The following TRRAP variants were observed in gnomAD, a reference collection of about 807,000 sequenced individuals.
The protein encoded by TRRAP is transformation/transcription domain associated protein.
TRRAP carries 41 observed loss-of-function variants against 438.8 expected under a neutral mutation model. That is an observed-to-expected ratio of 0.09 (90% CI 0.07 to 0.12). TRRAP has a LOEUF of 0.12. TRRAP is among the 10% of genes least tolerant of loss of function. The pLI is 1.00. For missense variants in TRRAP, 3,122 were observed against 5,055.1 expected (o/e 0.62, Z 11.60); for synonymous variants, 1,994 against 1,962.9 (o/e 1.02, Z -0.42).
intron 4 of TRRAP, among the ~76,000 whole-genome samples, chr7:98,892,183 G>A (rs1269421068): frequency 6.6e-6 from 1 of 152,166 alleles, no homozygotes; most frequent in Non-Finnish European, 1.5e-5. Context: ...GGAGAAATTG[G>A]CTTAGTCGAT....
chr7:98,906,034 C>T (rs1188502677), intron 12 of TRRAP, 143 bp from the exon 13 acceptor site: 14 of 598,200 alleles, frequency 2.3e-5, no homozygotes, highest in Non-Finnish European at 4.1e-5. Flanking sequence ...GCACTTGTGC[C>T]TTTCTGGTCT....
In TRRAP at chr7:98,957,563, G is replaced by A. The variant is rs568182456; in HGVS notation, c.6232-418G>A. ...CTGATGGCTCTTGGCCCCCAGCACCGTCTCAGTGCTCAGCCATGCGGGCCA... is the reference window on the plus strand; with the variant it reads ...CTGATGGCTCTTGGCCCCCAGCACCATCTCAGTGCTCAGCCATGCGGGCCA... On this transcript the variant is annotated intron_variant, in intron 43 of 72. Transcript: ENST00000456197. Among the ~76,000 whole-genome samples, 252 of 152,276 alleles carry A rather than the reference G, an allele frequency of 1.7e-3. 2 individuals carry two copies. Among genetic ancestry groups the A allele is most frequent in the African/African-American group, 5.6e-3 (232 of 41,562 alleles).
intron 51 of TRRAP, among the ~76,000 whole-genome samples, chr7:98,968,584 T>C (rs1477521204): frequency 6.6e-6 from 1 of 152,228 alleles, no homozygotes; most frequent in South Asian, 2.1e-4. Context: ...AGCTTGAGTT[T>C]GCTGTGGCAG....
chr7:98,890,988 G>T (rs1310486932), intron 4 of TRRAP, among the ~76,000 whole-genome samples: 1 of 150,244 alleles, frequency 6.7e-6, no homozygotes, highest in Non-Finnish European at 1.5e-5. Context: ...GAGAATGGGG[G>T]TCTTGCTGTG....
At chr7:98,943,483 A>G (rs564342318) in intron 31 of TRRAP, among the ~76,000 whole-genome samples, 48 of 152,262 alleles carry the variant, frequency 3.2e-4, no homozygotes, top group Admixed American at 1.4e-3. Flanking sequence ...CTTTGAGGGG[A>G]ATGTAAAAAG....
At position 98,948,160 on chromosome 7, in the gene TRRAP, T is replaced by C. The variant is rs1791172809; in HGVS notation, c.4549-61T>C. On this transcript the variant is annotated intron_variant, in intron 33 of 72. Coordinates refer to ENST00000456197, the MANE Select transcript of TRRAP (RefSeq NM_001375524.1). The surrounding 1 kb of genome is among the most constrained non-coding windows in gnomAD (Gnocchi z 4.9). ...GACTATAGTAGGGTCTGTAGTGACG[T>C]TGACCTCTGTCACTTGCAAAATTAA... 1 of 1,606,486 alleles carries C rather than the reference T, an allele frequency of 6.2e-7. No individual in the cohort carries two copies.
intron 58 of TRRAP, among the ~76,000 whole-genome samples, chr7:98,980,695 CCTG>C (rs1322418942): frequency 6.6e-6 from 1 of 152,212 alleles, no homozygotes; most frequent in African/African-American, 2.4e-5. Context: ...TTCATGTAAA[CCTG>C]AATTAACACC....
chr7:98,976,181 G>A lies in TRRAP; in HGVS notation c.7872G>A (p.Leu2624=). 6.2e-7 allele frequency: 1 copy of A among 1,614,112 alleles called. No homozygotes were observed. Among genetic ancestry groups the A allele is most frequent in the Non-Finnish European group, 8.5e-7 (1 of 1,179,984 alleles). ...TGALLSAFVQ[L]CHISTTLAEK... Reference sequence around the variant, plus strand: ...CGCTGCTCAGCGCTTTCGTTCAGCTGTGCCACATTTCCACGACGCTGGCAG... The same window carrying A: ...CGCTGCTCAGCGCTTTCGTTCAGCTATGCCACATTTCCACGACGCTGGCAG... The change falls in exon 54 of 73, where the codon CTG becomes CTA. Residue 2624 remains leucine (L), a synonymous_variant. Coordinates refer to ENST00000456197, the MANE Select transcript of TRRAP (RefSeq NM_001375524.1). This position sits in a 1 kb window ranked among gnomAD's most constrained non-coding sequence, Gnocchi z 4.6.
intron 67 of TRRAP, among the ~76,000 whole-genome samples, chr7:98,997,482 G>GAAAAA (rs1562977777): frequency 7.9e-4 from 31 of 39,316 alleles, no homozygotes; most frequent in African/African-American, 3.2e-3. Flanking sequence ...CACTGCTGTT[G>GAAAAA]CAAAAAAAAA....
chr7:98,879,910 G>A (rs1312416391), intron 1 of TRRAP, among the ~76,000 whole-genome samples: 12 of 152,178 alleles, frequency 7.9e-5, no homozygotes, highest in Admixed American at 3.3e-4. Context: ...GAAAGAAAAC[G>A]AAGCCATGAA....
rs782774161 is a variant in TRRAP at position 98,910,265 on chromosome 7, C to T, written c.1560C>T (p.Thr520=). The change falls in exon 15 of 73, where the codon ACC becomes ACT. Residue 520 remains threonine, a synonymous_variant. Coordinates refer to ENST00000456197, the MANE Select transcript of TRRAP (RefSeq NM_001375524.1). ...PPPPPPATPV[T]PAPVPPFEKQ... ...CACCCCCACCTGCCACCCCTGTGAC[C>T]CCGGCCCCCGTGCCTCCCTTCGAGA... 6.3e-7 allele frequency: 1 copy of T among 1,589,404 alleles called. No individual in the cohort carries two copies. Among genetic ancestry groups the T allele is most frequent in the Middle Eastern group, 1.7e-4 (1 of 5,910 alleles).
At chr7:98,930,537 C>T (rs1298869572) in intron 24 of TRRAP, 96 bp from the exon 25 acceptor site, 8 of 1,491,848 alleles carry the variant, frequency 5.4e-6, no homozygotes, top group Non-Finnish European at 7.3e-6. Flanking sequence ...GAGATCACAC[C>T]ATTGCACTCC....
chr7:98,986,112 G>T (rs369622133), intron 62 of TRRAP, among the ~76,000 whole-genome samples: 1 of 152,208 alleles, frequency 6.6e-6, no homozygotes, highest in Non-Finnish European at 1.5e-5. Context: ...GTGCTGTCAT[G>T]TATCAGTAAC....
chr7:98,964,694 G>T lies in TRRAP; in HGVS notation c.6895G>T (p.Val2299Phe). The change falls in exon 48 of 73, where the codon GTC becomes TTC. Residue 2299 changes from valine (V) to phenylalanine (F), a missense_variant. Physicochemically the swap from Val to Phe is conservative, Grantham distance 50. Around this residue, in one of 24 missense-constraint regions of TRRAP, gnomAD observed 992 missense variants for 1,281.2 expected, o/e 0.77. Transcript: ENST00000456197. ...NPSYIDRLIS[V>F]FMRSLQKMVR... ...CAGCTACATAGACAGGCTGATCTCC[G>T]TCTTTATGCGCTCCCTGCAGAAGAT... 6.2e-7 allele frequency: 1 copy of T among 1,614,028 alleles called. No homozygotes were observed. Among genetic ancestry groups the T allele is most frequent in the Non-Finnish European group, 8.5e-7 (1 of 1,179,994 alleles).
chr7:98,982,910 CAA>C (rs1792996018), intron 59 of TRRAP, among the ~76,000 whole-genome samples: 1 of 152,098 alleles, frequency 6.6e-6, no homozygotes, highest in Non-Finnish European at 1.5e-5. Context: ...CATTGCTGGA[CAA>C]AGAGCCGGGC....
chr7:98,897,852 A>G lies in TRRAP; in HGVS notation c.619A>G (p.Ser207Gly), dbSNP rs782596973. The part of the protein sequence containing the change: ...AVKVNPERED[S>G]ETRTHSIIPR... ...GAAAGTCAACCCGGAGCGTGAGGAC[A>G]GTGAGACTCGAACAGTAAGTGTTTC... The change falls in exon 8 of 73, where the codon AGT becomes GGT. Residue 207 changes from serine to glycine, a missense_variant. Ser to Gly is a moderately conservative substitution (Grantham distance 56). Around this residue, in one of 24 missense-constraint regions of TRRAP, gnomAD observed 343 missense variants for 564.0 expected, o/e 0.61. Coordinates refer to ENST00000456197, the MANE Select transcript of TRRAP (RefSeq NM_001375524.1). 57 of 1,613,990 alleles carry G rather than the reference A, an allele frequency of 3.5e-5. No homozygotes were observed. Among genetic ancestry groups the G allele is most frequent in the Non-Finnish European group, 4.8e-5 (57 of 1,180,020 alleles).
rs538091512 is a variant in TRRAP at position 99,001,135 on chromosome 7, G to T, written c.10310-3055G>T. ...CACTCAACAGCCATAGCTGTGACCA[G>T]GGTTGCATCGAGGTTGCATCCAGCT... is the stretch of plus-strand genomic sequence containing the variant. On this transcript the variant is annotated intron_variant, in intron 67 of 72. Transcript: ENST00000456197. Among the ~76,000 whole-genome samples the T allele has an allele frequency of 5.3e-4, 80 of 152,336 alleles. 1 individual carries two copies. Among genetic ancestry groups the T allele is most frequent in the African/African-American group, 1.8e-3 (76 of 41,572 alleles).
At chr7:98,978,011 G>T (rs1792744652) in intron 56 of TRRAP, among the ~76,000 whole-genome samples, 200 bp from the exon 57 acceptor site, 1 of 152,228 alleles carries the variant, frequency 6.6e-6, no homozygotes, top group Admixed American at 6.5e-5. Context: ...GCCAGGTGCA[G>T]GCAGGCACCT....
In TRRAP at chr7:98,916,814, A is replaced by C. The variant is rs537387286; in HGVS notation, c.2366-609A>C. Reference sequence around the variant, plus strand: ...ATCCTCCTCATCCTTTGGATTTGGGACCTGGTTCTGCTGCCCCGTGAGGCC... The same window carrying C: ...ATCCTCCTCATCCTTTGGATTTGGGCCCTGGTTCTGCTGCCCCGTGAGGCC... On this transcript the variant is annotated intron_variant, in intron 19 of 72. Coordinates refer to ENST00000456197, the MANE Select transcript of TRRAP (RefSeq NM_001375524.1). Among the ~76,000 whole-genome samples, 18 of 152,090 alleles carry C rather than the reference A, an allele frequency of 1.2e-4. No homozygotes were observed. In the South Asian group the frequency reaches 3.7e-3, roughly 32 times the overall value.
Sources: allele counts gnomAD v4.1 joint callset (sites outside exome capture counted in the v4.1 genomes callset), GRCh38; gene constraint gnomAD v4.1.1; regional missense constraint gnomAD v4.1.1; non-coding constraint Gnocchi (gnomAD v3.1); transcripts MANE v1.5; gene names NCBI Gene and HGNC (gene_info 2026-07-23, HGNC 2026-07-21).